Variants in ARHGEF3 observed in about 807,000 individuals in gnomAD.
The protein encoded by ARHGEF3 is Rho guanine nucleotide exchange factor 3, also known as 59.8 kDA protein.
ARHGEF3 carries 28 observed loss-of-function variants against 63.2 expected under a neutral mutation model. That is an observed-to-expected ratio of 0.44 (90% CI 0.33 to 0.61). The LOEUF is 0.61. Ranked by LOEUF, ARHGEF3 falls within the 20% of genes least tolerant of loss-of-function variation. ARHGEF3 has a pLI of 0.03. For missense variants in ARHGEF3, 533 were observed against 659.3 expected (o/e 0.81, Z 2.10); for synonymous variants, 266 against 254.2 (o/e 1.05, Z -0.44).
chr3:56,738,889 C>T (rs1327951239), intron 7 of ARHGEF3, among the ~76,000 whole-genome samples: 1 of 151,944 alleles, frequency 6.6e-6, no homozygotes, highest in Admixed American at 6.6e-5. Flanking sequence ...TCAGGAGTTC[C>T]AGACCAGCCT....
chr3:56,906,708 C>G (rs1278964090), intron 3 of ARHGEF3, among the ~76,000 whole-genome samples: 1 of 151,692 alleles, frequency 6.6e-6, no homozygotes. Flanking sequence ...TGGTGGCAGG[C>G]CCCTGTAATC....
intron 2 of ARHGEF3, among the ~76,000 whole-genome samples, chr3:56,760,424 A>G (rs369176155): frequency 6.6e-6 from 1 of 152,202 alleles, no homozygotes; most frequent in African/African-American, 2.4e-5. Flanking sequence ...GGCATGGGAA[A>G]AAAGAGAGCA....
At chr3:56,731,224 T>C (rs890437573) in intron 9 of ARHGEF3, among the ~76,000 whole-genome samples, 3 of 152,148 alleles carry the variant, frequency 2.0e-5, no homozygotes, top group Non-Finnish European at 4.4e-5. Flanking sequence ...CTCAGAGAAG[T>C]GTTCCCTATC....
upstream of ARHGEF3, among the ~76,000 whole-genome samples, chr3:56,806,151 C>T (rs1455017709): frequency 6.6e-6 from 1 of 152,098 alleles, no homozygotes; most frequent in East Asian, 1.9e-4. Flanking sequence ...TCAGCACCTT[C>T]CCCATATGTA....
At chr3:56,972,639 A>G (rs1578996298) in intron 2 of ARHGEF3, among the ~76,000 whole-genome samples, 1 of 152,024 alleles carries the variant, frequency 6.6e-6, no homozygotes, top group Non-Finnish European at 1.5e-5. Flanking sequence ...AGGATAGCTC[A>G]TGCAAAGTTC....
chr3:56,995,665 G>A (rs1701954506), intron 2 of ARHGEF3, among the ~76,000 whole-genome samples: 1 of 122,836 alleles, frequency 8.1e-6, no homozygotes, highest in Non-Finnish European at 1.8e-5. Context: ...GAGAGAGAGA[G>A]AGAGAGAATT....
At chr3:56,759,384 T>G (rs2035287505) in intron 2 of ARHGEF3, among the ~76,000 whole-genome samples, 1 of 152,120 alleles carries the variant, frequency 6.6e-6, no homozygotes, top group Admixed American at 6.5e-5. Flanking sequence ...TTCACCATGT[T>G]GGTCTCGATC....
chr3:57,076,275 C>A (rs548730482), intron 1 of ARHGEF3, among the ~76,000 whole-genome samples: 1 of 151,560 alleles, frequency 6.6e-6, no homozygotes, highest in East Asian at 2.0e-4. Flanking sequence ...AATGGCCTTT[C>A]TGCTTCATGC....
intron 3 of ARHGEF3, among the ~76,000 whole-genome samples, chr3:56,906,623 G>A (rs575323365): frequency 6.6e-6 from 1 of 152,260 alleles, no homozygotes; most frequent in Non-Finnish European, 1.5e-5. Context: ...ATCACCTGAG[G>A]TCAGGAGTTC....
intron 1 of ARHGEF3, chr3:56,774,905 AC>A: frequency 1.8e-6 from 2 of 1,126,888 alleles, no homozygotes. Context: ...CAAAAAACAA[AC>A]AAACAAACAA....
intron 3 of ARHGEF3, among the ~76,000 whole-genome samples, chr3:56,902,348 G>A: frequency 6.6e-6 from 1 of 152,142 alleles, no homozygotes; most frequent in Non-Finnish European, 1.5e-5. Context: ...GTGGATAGAT[G>A]GATGGAGATA....
At chr3:56,738,882 G>C (rs112198742) in intron 7 of ARHGEF3, among the ~76,000 whole-genome samples, 2,712 of 152,156 alleles carry the variant, frequency 0.018, 86 homozygotes, top group African/African-American at 0.062. Flanking sequence ...CTTGAGGTCA[G>C]GAGTTCCAGA....
At chr3:56,965,352 T>A (rs1700448262) in intron 2 of ARHGEF3, among the ~76,000 whole-genome samples, 1 of 152,158 alleles carries the variant, frequency 6.6e-6, no homozygotes, top group African/African-American at 2.4e-5. Context: ...TAGGAAAATA[T>A]AACTTATTAA....
At chr3:56,779,039 A>G (rs1245104035) in intron 1 of ARHGEF3, among the ~76,000 whole-genome samples, 1 of 152,068 alleles carries the variant, frequency 6.6e-6, no homozygotes, top group Admixed American at 6.6e-5. Flanking sequence ...ACTCCCAGGC[A>G]CTGCACTCTC....
rs1401122040 is a variant in ARHGEF3 at position 56,968,340 on chromosome 3, T to A, written c.63-9451A>T. ...ATATATTTTATATATATATAATATA[T>A]AATATATATATTTTTTGAGACATGG... On this transcript the variant is annotated intron_variant, in intron 2 of 12. Coordinates refer to the ARHGEF3 transcript ENST00000338458. Among the ~76,000 whole-genome samples the A allele has an allele frequency of 1.9e-4, 20 of 102,730 alleles. 1 individual carries two copies. Among genetic ancestry groups the A allele is most frequent in the South Asian group, 7.5e-4 (3 of 3,978 alleles). 67.4% of individuals were successfully genotyped at this position (102,730 alleles called of 152,430 possible). A position where few individuals can be genotyped will look rare whatever the true frequency, so the allele number is the denominator to read the frequency against.
chr3:56,734,145 A>C (rs1163851785), intron 8 of ARHGEF3, among the ~76,000 whole-genome samples: 1 of 152,150 alleles, frequency 6.6e-6, no homozygotes, highest in Non-Finnish European at 1.5e-5. Flanking sequence ...TCCCATTATG[A>C]AAGCAGGTGT....
At chr3:56,880,568 A>T (rs1021104870) in intron 4 of ARHGEF3, among the ~76,000 whole-genome samples, 7 of 152,300 alleles carry the variant, frequency 4.6e-5, no homozygotes, top group Admixed American at 4.6e-4. Context: ...CTTAGAAGTG[A>T]CCTGGATTGA....
chr3:56,739,343 A>AAAT (rs1260190405), intron 7 of ARHGEF3, among the ~76,000 whole-genome samples: 44 of 151,966 alleles, frequency 2.9e-4, no homozygotes, highest in South Asian at 4.2e-4. Flanking sequence ...TCATGTCTTA[A>AAAT]AATAATAATA....
chr3:57,074,625 C>A (rs1335911906), intron 1 of ARHGEF3: 1 of 232,650 alleles, frequency 4.3e-6, no homozygotes, highest in Non-Finnish European at 9.2e-6. Context: ...CGATCCTATA[C>A]ATTTTCATCT....
Sources: gnomAD v4.1 joint callset for allele counts (sites outside exome capture counted in the v4.1 genomes callset) on GRCh38, gnomAD v4.1.1 for gene constraint, MANE v1.5 for transcripts, NCBI Gene and HGNC (gene_info 2026-07-23, HGNC 2026-07-21) for gene names.